Variants in PTPN13 observed in about 807,000 individuals in gnomAD.
PTPN13 encodes protein tyrosine phosphatase non-receptor type 13.
In PTPN13, 191 loss-of-function variants were observed where a neutral mutation model predicts 284.0. That is an observed-to-expected ratio of 0.67 (90% CI 0.60 to 0.76). The LOEUF (loss-of-function observed/expected upper bound fraction) is 0.76, where lower values mean the gene tolerates loss of function less well. Among genes scored for constraint, PTPN13 ranks in the 30% least tolerant of loss-of-function variants. The pLI is 0.00. For missense variants in PTPN13, 2,797 were observed against 2,939.9 expected, an observed-to-expected ratio of 0.95 and a Z score of 1.12; for synonymous variants, 986 against 1,022.3, an observed-to-expected ratio of 0.96 and a Z score of 0.68.
At chr4:86,785,799 T>G in intron 39 of PTPN13, 49 bp from the exon 40 acceptor site, 1 of 1,210,856 alleles carries the variant, frequency 8.3e-7, no homozygotes. Flanking sequence ...CTTTTCTACT[T>G]CCTCAATAGT....
chr4:86,618,912 C>G (rs1259856218), intron 1 of PTPN13, among the ~76,000 whole-genome samples: 1 of 152,124 alleles, frequency 6.6e-6, no homozygotes, highest in African/African-American at 2.4e-5. Flanking sequence ...AATTGAATAC[C>G]CTTTATTTCC....
At chr4:86,688,978 A>C (rs1039065162) in intron 4 of PTPN13, 27 bp from the exon 5 acceptor site, 1 of 1,517,096 alleles carries the variant, frequency 6.6e-7, no homozygotes, top group Non-Finnish European at 9.1e-7. Context: ...ACATTTACTC[A>C]CTGGCTTTTC....
intron 9 of PTPN13, among the ~76,000 whole-genome samples, chr4:86,720,160 T>C (rs1460908230): frequency 6.6e-6 from 1 of 152,212 alleles, no homozygotes; most frequent in Non-Finnish European, 1.5e-5. Context: ...GAAGAAGCAC[T>C]GGGATATGTG....
intron 1 of PTPN13, among the ~76,000 whole-genome samples, chr4:86,623,960 G>C (rs1385090159): frequency 3.3e-5 from 5 of 151,908 alleles, no homozygotes; most frequent in African/African-American, 4.8e-5. Context: ...AGTTATTTTT[G>C]TCTAGTTTAT....
At chr4:86,788,426 A>G (rs1433972541) in intron 40 of PTPN13, among the ~76,000 whole-genome samples, 1 of 152,216 alleles carries the variant, frequency 6.6e-6, no homozygotes, top group Non-Finnish European at 1.5e-5. Flanking sequence ...AATTGGTTCT[A>G]ACAGTATATT....
At chr4:86,709,918 A>G (rs950658131) in intron 7 of PTPN13, among the ~76,000 whole-genome samples, 3 of 152,168 alleles carry the variant, frequency 2.0e-5, no homozygotes, top group African/African-American at 7.2e-5. Context: ...TTCTTTACTT[A>G]CATACATTCA....
At chr4:86,620,448 TGC>T (rs1341157581) in intron 1 of PTPN13, among the ~76,000 whole-genome samples, 1 of 152,176 alleles carries the variant, frequency 6.6e-6, no homozygotes, top group Non-Finnish European at 1.5e-5. Context: ...GTATGAGCAC[TGC>T]ACCCGCAGAA....
At chr4:86,677,084 G>A (rs1183176226) in intron 3 of PTPN13, among the ~76,000 whole-genome samples, 13 of 151,946 alleles carry the variant, frequency 8.6e-5, no homozygotes, top group African/African-American at 2.4e-4. Context: ...TGGCTAACAC[G>A]GTAAAACCCT....
chr4:86,766,377 G>A, intron 26 of PTPN13, 55 bp from the exon 27 acceptor site: 1 of 1,368,846 alleles, frequency 7.3e-7, no homozygotes, highest in Non-Finnish European at 1.0e-6. Context: ...AAGACCATAA[G>A]ATTTAAAAGA....
chr4:86,807,348 A>G (rs1450500354), intron 44 of PTPN13, among the ~76,000 whole-genome samples: 1 of 152,238 alleles, frequency 6.6e-6, no homozygotes, highest in Non-Finnish European at 1.5e-5. Context: ...TCACTAAACT[A>G]ACAGCTTAGA....
chr4:86,751,531 G>A (rs1034754433), intron 19 of PTPN13, among the ~76,000 whole-genome samples: 8 of 152,018 alleles, frequency 5.3e-5, no homozygotes, highest in African/African-American at 1.9e-4. Flanking sequence ...TGTTGCCCAG[G>A]TTGGTCTTGA....
chr4:86,786,085 T>C, intron 40 of PTPN13, 149 bp downstream of exon 40: 2 of 420,630 alleles, frequency 4.8e-6, no homozygotes, highest in Admixed American at 8.6e-5. Flanking sequence ...TGTGTTACAT[T>C]AAAGTGTCAT....
Position 86,750,740 on chromosome 4 carries a change from G to T in PTPN13, c.2921G>T (p.Ser974Ile), listed in dbSNP as rs1201589703. 6.2e-7 allele frequency: 1 copy of T among 1,613,576 alleles called. No homozygotes were observed. Among genetic ancestry groups the T allele is most frequent in the East Asian group, 2.2e-5 (1 of 44,850 alleles). The change falls in exon 18 of 48, where the codon AGT becomes ATT. Residue 974 changes from serine (S) to isoleucine (I), a missense_variant. Transcript: ENST00000411767. ...REMSKSYHDLSQASLYPHRKN... is the reference protein window; with the variant it reads ...REMSKSYHDLIQASLYPHRKN... ...ATGAGTAAATCATACCATGATCTCA[G>T]TCAGGCCTCTCTCTATCCACATCGG...
In PTPN13 at chr4:86,734,385, G is replaced by T; in HGVS notation, c.1941G>T (p.Lys647Asn). 6.4e-7 allele frequency: 1 copy of T among 1,562,620 alleles called. No individual in the cohort carries two copies. The change falls in exon 13 of 48, where the codon AAG becomes AAT. Residue 647 changes from lysine (K) to asparagine (N), a missense_variant. Coordinates refer to ENST00000411767, the MANE Select transcript of PTPN13 (RefSeq NM_080683.3). ...GATGGAAAGAAGAACCAAAGAAAAAGACCAAAGCCACTGTTAATTTTACTT... is the reference window on the plus strand; with the variant it reads ...GATGGAAAGAAGAACCAAAGAAAAATACCAAAGCCACTGTTAATTTTACTT... ...PEGWKEEPKKKTKATVNFTLF... is the reference protein window; with the variant it reads ...PEGWKEEPKKNTKATVNFTLF...
chr4:86,643,567 G>A (rs995471559), intron 2 of PTPN13, among the ~76,000 whole-genome samples: 1 of 152,038 alleles, frequency 6.6e-6, no homozygotes, highest in Non-Finnish European at 1.5e-5. Context: ...TGAATATTAT[G>A]TTCTGTTTTT....
At chr4:86,655,887 C>T (rs1006994104) in intron 2 of PTPN13, among the ~76,000 whole-genome samples, 8 of 152,164 alleles carry the variant, frequency 5.3e-5, no homozygotes, top group Non-Finnish European at 1.2e-4. Context: ...ACCAATCAGA[C>T]GTAGATTTGG....
intron 42 of PTPN13, 113 bp downstream of exon 42, chr4:86,799,317 CT>C (rs11358237): frequency 0.35 from 129,521 of 367,378 alleles, 5,608 homozygotes; most frequent in East Asian, 0.38. Flanking sequence ...ACATTATTTG[CT>C]TTTTTTTTTT....
intron 2 of PTPN13, among the ~76,000 whole-genome samples, chr4:86,661,620 T>A (rs879545976): frequency 6.6e-6 from 1 of 152,114 alleles, no homozygotes; most frequent in Non-Finnish European, 1.5e-5. Context: ...GCATTAGTGA[T>A]CAGAAAAATA....
At chr4:86,657,208 T>C (rs900554681) in intron 2 of PTPN13, among the ~76,000 whole-genome samples, 32 of 152,216 alleles carry the variant, frequency 2.1e-4, no homozygotes, top group Non-Finnish European at 4.6e-4. Context: ...CTTCGGCTCA[T>C]GCTCGGTGGG....
Sources: allele counts gnomAD v4.1 joint callset (sites outside exome capture counted in the v4.1 genomes callset), GRCh38; gene constraint gnomAD v4.1.1; transcripts MANE v1.5; gene names NCBI Gene and HGNC (gene_info 2026-07-23, HGNC 2026-07-21).